Variants in FXN observed in about 807,000 individuals in gnomAD.
The protein encoded by FXN is frataxin, mitochondrial.
In FXN, 14 loss-of-function variants were observed where a neutral mutation model predicts 22.4. The ratio of observed to expected loss-of-function variants is 0.62; its 90% CI spans 0.41 to 0.98. The LOEUF (loss-of-function observed/expected upper bound fraction) is 0.98. FXN is among the 50% of genes least tolerant of loss of function. FXN has a pLI of 0.00. For synonymous variants in FXN, 120 were observed against 114.1 expected, an observed-to-expected ratio of 1.05 and a Z score of -0.33; for missense variants, 267 against 268.4, an observed-to-expected ratio of 0.99 and a Z score of 0.04.
chr9:69,072,973 T>A lies in FXN; in HGVS notation c.*211T>A, dbSNP rs1448466042. 1.4e-6 allele frequency: 2 copies of A among 1,437,108 alleles called. No homozygotes were observed. Among genetic ancestry groups the A allele is most frequent in the Non-Finnish European group, 1.8e-6 (2 of 1,103,998 alleles). The allele number at this position is 1,437,108 out of a possible 1,614,324, so 89.0% of individuals were successfully genotyped here. Reference sequence around the variant, plus strand: ...CTGATTTTTAATTTCTATGGAAGATTTTTTGGATTGTCGGATTTCCTCCCT... The same window carrying A: ...CTGATTTTTAATTTCTATGGAAGATATTTTGGATTGTCGGATTTCCTCCCT... On this transcript the variant is annotated 3_prime_UTR_variant, in exon 5 of 5. Transcript: ENST00000484259.
At chr9:69,067,261 T>G (rs1190456843) in intron 4 of FXN, among the ~76,000 whole-genome samples, 1 of 152,202 alleles carries the variant, frequency 6.6e-6, no homozygotes, top group Non-Finnish European at 1.5e-5. Flanking sequence ...GACTGCGGGG[T>G]TCCGGGGGAG....
intron 4 of FXN, among the ~76,000 whole-genome samples, chr9:69,071,540 G>A (rs1832274913): frequency 6.6e-6 from 1 of 152,160 alleles, no homozygotes; most frequent in Admixed American, 6.6e-5. Flanking sequence ...ATGAGGAAGT[G>A]GAATGTACAT....
rs1357421196 is a variant in FXN at position 69,075,381 on chromosome 9, A to AC, written c.*2621dup. 1 of 707,966 alleles carries AC rather than the reference A, an allele frequency of 1.4e-6. No homozygotes were observed. Among genetic ancestry groups the AC allele is most frequent in the Admixed American group, 6.3e-5 (1 of 15,868 alleles). 43.9% of individuals were successfully genotyped at this position (707,966 alleles called of 1,614,324 possible). A position where few individuals can be genotyped will look rare whatever the true frequency, so the allele number is the denominator to read the frequency against. ...AGGCTGAGGCAGGAGAATCGCTGTAACCTGGGGGGTGGAGGTTGCAGTGAG... is the reference window on the plus strand; with the variant it reads ...AGGCTGAGGCAGGAGAATCGCTGTAACCCTGGGGGGTGGAGGTTGCAGTGAG... On this transcript the variant is annotated 3_prime_UTR_variant, in exon 5 of 5. Coordinates refer to ENST00000484259, the MANE Select transcript of FXN (RefSeq NM_000144.5).
chr9:69,065,526 G>T (rs1249999155), intron 4 of FXN, among the ~76,000 whole-genome samples: 2 of 132,482 alleles, frequency 1.5e-5, no homozygotes, highest in African/African-American at 5.8e-5. Context: ...GGGCAACAGG[G>T]CCAGACCCTG....
At chr9:69,041,002 T>C (rs1831648191) in intron 1 of FXN, among the ~76,000 whole-genome samples, 1 of 152,236 alleles carries the variant, frequency 6.6e-6, no homozygotes, top group Non-Finnish European at 1.5e-5. Context: ...TTCTATTGTT[T>C]ATAAGCCACC....
At position 69,072,898 on chromosome 9, in the gene FXN, G is replaced by C; in HGVS notation, c.*136G>C. 6.5e-7 allele frequency: 1 copy of C among 1,541,536 alleles called. No homozygotes were observed. Among genetic ancestry groups the C allele is most frequent in the Non-Finnish European group, 8.7e-7 (1 of 1,149,684 alleles). On this transcript the variant is annotated 3_prime_UTR_variant, in exon 5 of 5. Transcript: ENST00000484259. The stretch of plus-strand genomic sequence containing the variant: ...GCTTTTGAGGACAGTTGGGCTATGT[G>C]TCACAGCTCTGTAGAAAGAATGTGT...
At chr9:69,049,622 G>A (rs1208381122) in intron 2 of FXN, among the ~76,000 whole-genome samples, 1 of 152,094 alleles carries the variant, frequency 6.6e-6, no homozygotes, top group Non-Finnish European at 1.5e-5. Flanking sequence ...TTACAAGGAT[G>A]TTTATTATAA....
At chr9:69,065,533 C>T (rs185863208) in intron 4 of FXN, among the ~76,000 whole-genome samples, 210 of 95,426 alleles carry the variant, frequency 2.2e-3, no homozygotes, top group Non-Finnish European at 3.4e-3. Context: ...AGGGCCAGAC[C>T]CTGTCCCAAA....
chr9:69,057,228 C>T (rs759461887), intron 3 of FXN, among the ~76,000 whole-genome samples: 4 of 152,096 alleles, frequency 2.6e-5, no homozygotes, highest in Non-Finnish European at 5.9e-5. Context: ...CTCCCCTTGG[C>T]CAAAAGATAG....
intron 1 of FXN, chr9:69,036,286 T>C (rs1238176379): frequency 5.5e-6 from 1 of 180,810 alleles, no homozygotes; most frequent in Non-Finnish European, 1.1e-5. Context: ...GTCACTTCTC[T>C]GCGATAACTT....
intron 4 of FXN, chr9:69,071,088 G>T: frequency 2.2e-6 from 1 of 450,592 alleles, no homozygotes; most frequent in Non-Finnish European, 4.4e-6. Context: ...GAGAATTCTA[G>T]GGACACGTGG....
At position 69,040,680 on chromosome 9, in the gene FXN, AAAT is replaced by A. The variant is rs1243151142; in HGVS notation, c.165+4736_165+4738del. ...GAGACTGCATCTCAAAGAAAAAAAT[AAAT>A]AAATAAATAAATATTTATACTGCTT... is the stretch of plus-strand genomic sequence containing the variant. On this transcript the variant is annotated intron_variant, in intron 1 of 4. Coordinates refer to ENST00000484259, the MANE Select transcript of FXN (RefSeq NM_000144.5). Among the ~76,000 whole-genome samples, 5 of 150,808 alleles carry A rather than the reference AAAT, an allele frequency of 3.3e-5. No homozygotes were observed. In the East Asian group the frequency reaches 6.0e-4, roughly 18 times the overall value.
At position 69,047,112 on chromosome 9, in the gene FXN, C is replaced by T. The variant is rs572916196; in HGVS notation, c.263+630C>T. ...CCCTGGAAAAAGCCGGCACGGCATT[C>T]CCCATGGAAAGCTGTCAGGCACGGC... is the stretch of plus-strand genomic sequence containing the variant. On this transcript the variant is annotated intron_variant, in intron 2 of 4. Coordinates refer to ENST00000484259, the MANE Select transcript of FXN (RefSeq NM_000144.5). Among the ~76,000 whole-genome samples the T allele has an allele frequency of 4.6e-5, 7 of 152,266 alleles. No individual in the cohort carries two copies. The East Asian group carries it at 1.4e-3, about 29-fold the overall frequency.
At chr9:69,056,255 G>A (rs1831956195) in intron 3 of FXN, among the ~76,000 whole-genome samples, 1 of 152,270 alleles carries the variant, frequency 6.6e-6, no homozygotes, top group South Asian at 2.1e-4. Context: ...CAGAGCCTCT[G>A]GCCATAACTG....
At position 69,075,267 on chromosome 9, in the gene FXN, G is replaced by A. The variant is rs1316823763; in HGVS notation, c.*2505G>A. On this transcript the variant is annotated 3_prime_UTR_variant, in exon 5 of 5. Coordinates refer to ENST00000484259, the MANE Select transcript of FXN (RefSeq NM_000144.5). ...GAGGTCAGGAGTTCAAGACCAGCCT[G>A]GCCAACATGGCAAAATCCCGTCTCT... 9 of 662,234 alleles carry A rather than the reference G, an allele frequency of 1.4e-5. No individual in the cohort carries two copies. Among genetic ancestry groups the A allele is most frequent in the East Asian group, 1.4e-4 (1 of 7,142 alleles). 41.0% of individuals were successfully genotyped at this position (662,234 alleles called of 1,614,324 possible). A position where few individuals can be genotyped will look rare whatever the true frequency, so the allele number is the denominator to read the frequency against.
In FXN at chr9:69,077,368, A is replaced by C; in HGVS notation, c.*4606A>C. ...GACAGAATCCAAGCTCATATGTTCCATCTTCTCTGGCTGTATAGTTTAAGG... is the reference window on the plus strand; with the variant it reads ...GACAGAATCCAAGCTCATATGTTCCCTCTTCTCTGGCTGTATAGTTTAAGG... On this transcript the variant is annotated 3_prime_UTR_variant, in exon 5 of 5. Transcript: ENST00000484259. 1.0e-6 allele frequency: 1 copy of C among 985,460 alleles called. No individual in the cohort carries two copies. The highest frequency in any genetic ancestry group is 1.2e-6 in the Non-Finnish European group (1 of 829,938). 61.0% of individuals were successfully genotyped at this position (985,460 alleles called of 1,614,324 possible).
At chr9:69,053,092 ATGGAAGCATT>A (rs1564333352) in intron 2 of FXN, 38 bp from the exon 3 acceptor site, 12 of 1,598,290 alleles carry the variant, frequency 7.5e-6, no homozygotes, top group Non-Finnish European at 8.5e-6. Flanking sequence ...TATTAATAAA[ATGGAAGCATT>A]TGGTAATCAT....
chr9:69,070,716 TA>T (rs1396086343), intron 4 of FXN, among the ~76,000 whole-genome samples: 8 of 151,716 alleles, frequency 5.3e-5, no homozygotes, highest in East Asian at 1.9e-4. Flanking sequence ...TTGTTTAATA[TA>T]AAAAAAATTT....
chr9:69,067,728 T>TG (rs1832197109), intron 4 of FXN, among the ~76,000 whole-genome samples: 1 of 152,208 alleles, frequency 6.6e-6, no homozygotes, highest in Non-Finnish European at 1.5e-5. Flanking sequence ...GATACCACCC[T>TG]CATAGCCAGA....
Sources: allele counts gnomAD v4.1 joint callset (sites outside exome capture counted in the v4.1 genomes callset), GRCh38; gene constraint gnomAD v4.1.1; transcripts MANE v1.5; gene names NCBI Gene and HGNC (gene_info 2026-07-23, HGNC 2026-07-21).